Variants in CIB4 observed in about 807,000 individuals in gnomAD.
CIB4 encodes the protein calcium and integrin binding family member 4.
Under a neutral mutation model 25.8 loss-of-function variants are expected in CIB4, and 25 were observed. The observed-to-expected ratio is 0.97, with a 90% confidence interval of 0.71 to 1.35. The LOEUF (loss-of-function observed/expected upper bound fraction) is 1.35. Among genes scored for constraint, CIB4 ranks in the 40% most tolerant of loss-of-function variants. CIB4 has a pLI of 0.00. For synonymous variants in CIB4, 75 were observed against 81.4 expected (o/e 0.92, Z 0.42); for missense variants, 235 against 228.2 (o/e 1.03, Z -0.19).
chr2:26,633,991 C>T (rs561790701), intron 2 of CIB4, among the ~76,000 whole-genome samples: 1 of 152,316 alleles, frequency 6.6e-6, no homozygotes, highest in East Asian at 1.9e-4. Context: ...CTCTCTCTGG[C>T]ATCCCATTTA....
At chr2:26,615,479 C>T in intron 3 of CIB4, among the ~76,000 whole-genome samples, 1 of 152,142 alleles carries the variant, frequency 6.6e-6, no homozygotes, top group African/African-American at 2.4e-5. Flanking sequence ...TCATCCATGC[C>T]CCGCCCTTTG....
intron 3 of CIB4, among the ~76,000 whole-genome samples, chr2:26,626,580 C>T (rs1314714803): frequency 6.6e-6 from 1 of 152,066 alleles, no homozygotes; most frequent in Non-Finnish European, 1.5e-5. Flanking sequence ...AATGAGCTGG[C>T]TCTTATTTGT....
intron 3 of CIB4, among the ~76,000 whole-genome samples, chr2:26,604,194 G>A (rs1668847603): frequency 1.3e-5 from 2 of 151,966 alleles, no homozygotes; most frequent in South Asian, 4.2e-4. Flanking sequence ...AGTCTGGGCA[G>A]TTTAGCAAGA....
intron 3 of CIB4, among the ~76,000 whole-genome samples, chr2:26,598,767 C>T (rs1031812082): frequency 1.3e-5 from 2 of 152,172 alleles, no homozygotes; most frequent in Non-Finnish European, 2.9e-5. Context: ...GGTTATGAGC[C>T]CCCCTGAGAC....
At chr2:26,628,320 C>G (rs1397906026) in intron 3 of CIB4, among the ~76,000 whole-genome samples, 1 of 152,132 alleles carries the variant, frequency 6.6e-6, no homozygotes, top group Non-Finnish European at 1.5e-5. Flanking sequence ...AGGGACAGCT[C>G]AGGCTAGCAC....
chr2:26,606,712 A>C (rs1186294172), intron 3 of CIB4, among the ~76,000 whole-genome samples: 1 of 152,088 alleles, frequency 6.6e-6, no homozygotes, highest in Non-Finnish European at 1.5e-5. Flanking sequence ...AGGTGAATGC[A>C]CTTCCTCTAT....
intron 3 of CIB4, among the ~76,000 whole-genome samples, chr2:26,612,887 A>G (rs1003124236): frequency 2.6e-5 from 4 of 152,108 alleles, no homozygotes; most frequent in Admixed American, 6.5e-5. Context: ...CTCCAGAGAT[A>G]ACTTATCTCC....
chr2:26,607,964 G>A lies in CIB4; in HGVS notation c.187-12647C>T, dbSNP rs182371596. ...CAAAGGAGAGCAGCTCTGGCCGGGCGCGATGGCTCACGCCTGTAATCCCAG... is the reference window on the plus strand; with the variant it reads ...CAAAGGAGAGCAGCTCTGGCCGGGCACGATGGCTCACGCCTGTAATCCCAG... On this transcript the variant is annotated intron_variant, in intron 3 of 6. Transcript: ENST00000288861. Among the ~76,000 whole-genome samples the A allele has an allele frequency of 3.5e-4, 53 of 152,372 alleles. No individual in the cohort carries two copies. In the East Asian group the frequency reaches 6.5e-3, roughly 19 times the overall value.
At chr2:26,612,193 C>T (rs1173941420) in intron 3 of CIB4, among the ~76,000 whole-genome samples, 2 of 152,220 alleles carry the variant, frequency 1.3e-5, no homozygotes, top group African/African-American at 4.8e-5. Context: ...AGCTGAACTC[C>T]TGGCTCCCAG....
At chr2:26,586,481 C>T (rs967744663) in intron 4 of CIB4, among the ~76,000 whole-genome samples, 2 of 152,200 alleles carry the variant, frequency 1.3e-5, no homozygotes, top group Admixed American at 6.5e-5. Flanking sequence ...CAACACACTA[C>T]GTGTTATTAG....
intron 3 of CIB4, among the ~76,000 whole-genome samples, chr2:26,600,287 C>T (rs1366376243): frequency 6.6e-6 from 1 of 151,830 alleles, no homozygotes; most frequent in Non-Finnish European, 1.5e-5. Flanking sequence ...CGCCTGTAAT[C>T]CCAGCTACTC....
At chr2:26,592,705 C>G (rs1668607413) in intron 4 of CIB4, among the ~76,000 whole-genome samples, 3 of 152,162 alleles carry the variant, frequency 2.0e-5, no homozygotes, top group Admixed American at 2.0e-4. Flanking sequence ...CTTCAAGTTT[C>G]CTGACTCTTC....
chr2:26,589,084 TTCTTCTTCTTCTTCTTCTTCTTCC>T lies in CIB4; in HGVS notation c.329-5210_329-5187del, dbSNP rs1558554987. Among the ~76,000 whole-genome samples the T allele has an allele frequency of 7.1e-4, 65 of 91,622 alleles. 6 individuals are homozygous for T. Among genetic ancestry groups the T allele is most frequent in the African/African-American group, 3.4e-3 (56 of 16,390 alleles). 60.1% of individuals were successfully genotyped at this position (91,622 alleles called of 152,430 possible). On this transcript the variant is annotated intron_variant, in intron 4 of 6. Coordinates refer to ENST00000288861, the MANE Select transcript of CIB4 (RefSeq NM_001029881.3). ...CCTCTTCCTCTTCCTCTTCTTCTTC[TTCTTCTTCTTCTTCTTCTTCTTCC>T]TCTTCTTCTTCTTCTTCTTCTTCTT...
At chr2:26,638,148 T>TGTTAGAGAAGTTTGCA (rs1220466996) in intron 2 of CIB4, among the ~76,000 whole-genome samples, 5 of 152,122 alleles carry the variant, frequency 3.3e-5, no homozygotes, top group African/African-American at 4.8e-5. Context: ...AAGAACTGCT[T>TGTTAGAGAAGTTTGCA]GTTAGAGAAG....
At chr2:26,583,494 C>T (rs1668391009) in intron 5 of CIB4, among the ~76,000 whole-genome samples, 1 of 152,148 alleles carries the variant, frequency 6.6e-6, no homozygotes, top group African/African-American at 2.4e-5. Flanking sequence ...AGGGAGGCCC[C>T]TCGAGTGGGT....
intron 3 of CIB4, among the ~76,000 whole-genome samples, chr2:26,604,885 T>G (rs1399866330): frequency 6.6e-6 from 1 of 152,274 alleles, no homozygotes. Context: ...TAAAAATCAT[T>G]AAGGATATGA....
chr2:26,623,604 A>T (rs569002768), intron 3 of CIB4: 3 of 470,876 alleles, frequency 6.4e-6, no homozygotes, highest in African/African-American at 6.0e-5. Flanking sequence ...CATCCTGACC[A>T]TACCTCCCTA....
intron 3 of CIB4, among the ~76,000 whole-genome samples, chr2:26,607,168 G>T (rs1668904921): frequency 6.6e-6 from 1 of 152,192 alleles, no homozygotes; most frequent in South Asian, 2.1e-4. Context: ...CGTTGTGGGA[G>T]ATTTGGGGTA....
chr2:26,620,505 A>C (rs1669185514), intron 3 of CIB4, among the ~76,000 whole-genome samples: 1 of 152,204 alleles, frequency 6.6e-6, no homozygotes, highest in African/African-American at 2.4e-5. Context: ...GACATGGTTG[A>C]GAACTGGGGA....
Sources: gnomAD v4.1 joint callset for allele counts (sites outside exome capture counted in the v4.1 genomes callset) on GRCh38, gnomAD v4.1.1 for gene constraint, MANE v1.5 for transcripts, NCBI Gene and HGNC (gene_info 2026-07-23, HGNC 2026-07-21) for gene names.